Variants in ZNF438 observed in about 807,000 individuals in gnomAD.
ZNF438 encodes zinc finger protein 438.
A neutral mutation model predicts 38.0 loss-of-function variants in ZNF438; 25 were observed. That is an observed-to-expected ratio of 0.66 (90% CI 0.48 to 0.92). The LOEUF (loss-of-function observed/expected upper bound fraction) is 0.92. Among genes scored for constraint, ZNF438 ranks in the 40% least tolerant of loss-of-function variants. The pLI is 0.00. For missense variants in ZNF438, 1,007 were observed against 999.6 expected (o/e 1.01, Z -0.10); for synonymous variants, 372 against 364.1 (o/e 1.02, Z -0.25).
chr10:30,864,866 C>T lies in ZNF438; in HGVS notation c.37+12132G>A, dbSNP rs117532784. 1.0e-3 allele frequency among the ~76,000 whole-genome samples: 154 copies of T among 152,308 alleles called. 2 individuals carry two copies. In the East Asian group the frequency reaches 0.025, roughly 25 times the overall value. On this transcript the variant is annotated intron_variant, in intron 4 of 5. Coordinates refer to ENST00000413025, the Ensembl canonical transcript of ZNF438. Reference sequence around the variant, plus strand: ...AGTTCTATTTTGAACAACTAAAATGCCCCTCAGTCAGAAGTTAGACTGAAT... The same window carrying T: ...AGTTCTATTTTGAACAACTAAAATGTCCCTCAGTCAGAAGTTAGACTGAAT...
At chr10:30,845,628 T>C (rs17229657) in intron 5 of ZNF438, 55 bp from the exon 7 acceptor site, 644,147 of 1,553,876 alleles carry the variant, frequency 0.41, 135,913 homozygotes, top group African/African-American at 0.55. Context: ...GCAATTGGAA[T>C]CTTTCCTCTC....
intron 1 of ZNF438, among the ~76,000 whole-genome samples, chr10:30,982,920 A>G (rs2994646): frequency 0.75 from 114,682 of 152,150 alleles, 44,262 homozygotes; most frequent in African/African-American, 0.9. Flanking sequence ...TAAGAATTAT[A>G]TTCATCTTTA....
At chr10:30,891,410 T>C (rs1359986068) in intron 3 of ZNF438, among the ~76,000 whole-genome samples, 1 of 136,960 alleles carries the variant, frequency 7.3e-6, no homozygotes. Context: ...TTTGAAGCAA[T>C]GTCTTATTAA....
chr10:30,892,072 CTTTAT>C (rs2040755615), intron 3 of ZNF438, among the ~76,000 whole-genome samples: 1 of 152,100 alleles, frequency 6.6e-6, no homozygotes, highest in African/African-American at 2.4e-5. Context: ...TGAAATTGTT[CTTTAT>C]TTTGTTTTCC....
chr10:30,963,392 CAAAAAAAAAA>C (rs753557823), intron 1 of ZNF438, among the ~76,000 whole-genome samples: 2 of 86,040 alleles, frequency 2.3e-5, no homozygotes, highest in East Asian at 3.6e-4. Context: ...AACTCCATCT[CAAAAAAAAAA>C]AAAAAAAAAA....
chr10:30,889,053 T>C (rs1276852132), intron 3 of ZNF438, among the ~76,000 whole-genome samples: 1 of 152,204 alleles, frequency 6.6e-6, no homozygotes, highest in Non-Finnish European at 1.5e-5. Context: ...CACACACATA[T>C]ATATACAATA....
chr10:30,936,605 C>T (rs1336071125), intron 2 of ZNF438, among the ~76,000 whole-genome samples: 3 of 152,030 alleles, frequency 2.0e-5, no homozygotes, highest in Non-Finnish European at 2.9e-5. Flanking sequence ...ACCTGGGAGG[C>T]GGAGGTTACA....
intron 2 of ZNF438, among the ~76,000 whole-genome samples, chr10:30,939,757 C>A (rs17295500): frequency 6.6e-6 from 1 of 152,168 alleles, no homozygotes; most frequent in African/African-American, 2.4e-5. Flanking sequence ...CAGAAACTTT[C>A]TGTCCTATTT....
chr10:30,857,812 G>A, intron 4 of ZNF438: 2 of 1,341,264 alleles, frequency 1.5e-6, no homozygotes, highest in Non-Finnish European at 1.9e-6. Flanking sequence ...AAAGGCAGTG[G>A]AGGAAAGAAT....
At chr10:30,902,079 T>C (rs1284036483) in intron 3 of ZNF438, among the ~76,000 whole-genome samples, 1 of 152,126 alleles carries the variant, frequency 6.6e-6, no homozygotes, top group East Asian at 1.9e-4. Flanking sequence ...AGCAGCAAGA[T>C]TTATTGCATA....
At chr10:31,006,851 A>C (rs1340638245) in intron 1 of ZNF438, among the ~76,000 whole-genome samples, 1 of 152,124 alleles carries the variant, frequency 6.6e-6, no homozygotes, top group Non-Finnish European at 1.5e-5. Flanking sequence ...TAGAAAAAAA[A>C]AAACCATTTT....
intron 2 of ZNF438, among the ~76,000 whole-genome samples, chr10:30,934,227 A>G (rs2045996154): frequency 6.6e-6 from 1 of 152,082 alleles, no homozygotes; most frequent in African/African-American, 2.4e-5. Context: ...GAGTTGGCAG[A>G]TGCAGAAGAG....
chr10:30,978,503 G>T (rs561914991), intron 1 of ZNF438, among the ~76,000 whole-genome samples: 26 of 152,196 alleles, frequency 1.7e-4, no homozygotes, highest in Admixed American at 5.9e-4. Context: ...AATTTTAAGT[G>T]TACTTTTCAG....
intron 4 of ZNF438, among the ~76,000 whole-genome samples, chr10:30,869,194 G>GGC (rs1318157649): frequency 3.9e-5 from 6 of 152,152 alleles, no homozygotes; most frequent in African/African-American, 1.4e-4. Context: ...CTAACACGGT[G>GGC]AAACCCTGTT....
chr10:30,998,346 C>A (rs778655842), intron 1 of ZNF438, among the ~76,000 whole-genome samples: 1 of 151,578 alleles, frequency 6.6e-6, no homozygotes. Context: ...TGAGACCATC[C>A]TGGCTAACAC....
intron 2 of ZNF438, among the ~76,000 whole-genome samples, chr10:30,935,737 A>G (rs1476070236): frequency 6.6e-6 from 1 of 152,240 alleles, no homozygotes; most frequent in African/African-American, 2.4e-5. Context: ...ACTTACAATC[A>G]TGGCAAAAGG....
intron 3 of ZNF438, among the ~76,000 whole-genome samples, chr10:30,877,804 G>A (rs891245251): frequency 1.3e-5 from 2 of 151,964 alleles, no homozygotes; most frequent in Non-Finnish European, 2.9e-5. Flanking sequence ...TTTTTTATAA[G>A]TTCTTAAACA....
At chr10:30,970,902 C>T (rs2050669292) in intron 1 of ZNF438, among the ~76,000 whole-genome samples, 1 of 152,170 alleles carries the variant, frequency 6.6e-6, no homozygotes, top group African/African-American at 2.4e-5. Flanking sequence ...AAATAGGACA[C>T]ATACTACCAC....
At chr10:30,870,357 T>A (rs1378349971) in intron 4 of ZNF438, among the ~76,000 whole-genome samples, 1 of 152,130 alleles carries the variant, frequency 6.6e-6, no homozygotes, top group African/African-American at 2.4e-5. Flanking sequence ...AACAAGGTGA[T>A]GTCCTGCCTT....
Sources: allele counts gnomAD v4.1 joint callset (sites outside exome capture counted in the v4.1 genomes callset), GRCh38; gene constraint gnomAD v4.1.1; transcripts MANE v1.5; gene names NCBI Gene and HGNC (gene_info 2026-07-23, HGNC 2026-07-21).